NLRP1: variants seen among roughly 807,000 people sequenced by gnomAD.
NLRP1 encodes the protein NLR family pyrin domain containing 1, also known as NACHT, LRR and PYD domains-containing protein 1.
NLRP1 carries 94 observed loss-of-function variants against 136.7 expected under a neutral mutation model. The ratio of observed to expected loss-of-function variants is 0.69; its 90% CI spans 0.58 to 0.82. NLRP1 has a LOEUF of 0.82. Ranked by LOEUF, NLRP1 falls within the 40% of genes least tolerant of loss-of-function variation. The pLI is 0.00. For synonymous variants in NLRP1, 690 were observed against 725.1 expected, an observed-to-expected ratio of 0.95 and a Z score of 0.78; for missense variants, 1,575 against 1,802.7, an observed-to-expected ratio of 0.87 and a Z score of 2.29.
At chr17:5,571,950 C>A (rs894499713) in intron 3 of NLRP1, among the ~76,000 whole-genome samples, 18 of 152,166 alleles carry the variant, frequency 1.2e-4, no homozygotes, top group African/African-American at 4.3e-4. Flanking sequence ...AGCTGTATAT[C>A]TACAACCATC....
At chr17:5,546,711 T>C (rs951958182) in intron 5 of NLRP1, among the ~76,000 whole-genome samples, 1 of 151,772 alleles carries the variant, frequency 6.6e-6, no homozygotes, top group Non-Finnish European at 1.5e-5. Context: ...GCAAAATACA[T>C]ACAAAGAAAG....
chr17:5,541,956 A>G lies in NLRP1; in HGVS notation c.2600T>C (p.Leu867Pro). ...ATTGAAGCTCAGGTCCAGCTCGGTC[A>G]GGGTCTGGTTGGCTCTCAGCCCAAA... ...LAFGLRANQT[L>P]TELDLSFNVL... is the part of the protein sequence containing the mutation. The change falls in exon 6 of 17, where the codon CTG (leucine) becomes CCG (proline). Residue 867 changes from leucine (L) to proline (P), a missense_variant. Coordinates refer to ENST00000572272, the MANE Select transcript of NLRP1 (RefSeq NM_033004.4). This position sits in a 1 kb window ranked among gnomAD's most constrained non-coding sequence, Gnocchi z 4.2. 1 of 1,614,160 alleles carries G rather than the reference A, an allele frequency of 6.2e-7. No individual in the cohort carries two copies. Among genetic ancestry groups the G allele is most frequent in the South Asian group, 1.1e-5 (1 of 91,080 alleles).
chr17:5,553,075 G>A (rs1913572944), intron 5 of NLRP1, among the ~76,000 whole-genome samples: 1 of 152,140 alleles, frequency 6.6e-6, no homozygotes, highest in Non-Finnish European at 1.5e-5. Context: ...TTTCTTGACT[G>A]CCTCCTCCTG....
At chr17:5,518,151 T>C (rs1017111468) in intron 14 of NLRP1, 2 of 315,346 alleles carry the variant, frequency 6.3e-6, no homozygotes, top group Non-Finnish European at 1.2e-5. Flanking sequence ...TTCCTTCACC[T>C]CCCCCATCTT....
chr17:5,531,607 G>A (rs1910278469), intron 11 of NLRP1, among the ~76,000 whole-genome samples: 2 of 152,192 alleles, frequency 1.3e-5, no homozygotes, highest in South Asian at 4.1e-4. Flanking sequence ...CTCCTCAGGT[G>A]GGTTAATAGT....
chr17:5,545,245 C>G (rs921957956), intron 5 of NLRP1, among the ~76,000 whole-genome samples: 40 of 151,940 alleles, frequency 2.6e-4, no homozygotes, highest in African/African-American at 9.7e-4. Flanking sequence ...GAGTTTGAGG[C>G]TGCATTGAGT....
intron 5 of NLRP1, among the ~76,000 whole-genome samples, chr17:5,544,845 C>T (rs541903767): frequency 6.6e-6 from 1 of 152,182 alleles, no homozygotes; most frequent in African/African-American, 2.4e-5. Flanking sequence ...GGCTGAATTT[C>T]AGGAGCCTCT....
At chr17:5,580,108 A>G (rs1408469779) in intron 3 of NLRP1, among the ~76,000 whole-genome samples, 2 of 151,960 alleles carry the variant, frequency 1.3e-5, no homozygotes, top group African/African-American at 4.8e-5. Context: ...CGTGGCGGGC[A>G]CCTGTAGTCC....
chr17:5,581,768 T>C lies in NLRP1; in HGVS notation c.652+91A>G. ...TCAGATGTTTTCCAGAACCTCTGCT[T>C]AGCCTGCCAACCTGGTCCCCAGGGG... On this transcript the variant is annotated intron_variant, in intron 3 of 16. Coordinates refer to ENST00000572272, the MANE Select transcript of NLRP1 (RefSeq NM_033004.4). 3.7e-6 allele frequency: 4 copies of C among 1,067,056 alleles called. No individual in the cohort carries two copies. The Admixed American group carries it at 5.1e-5, about 13-fold the overall frequency. The allele number at this position is 1,067,056 out of a possible 1,614,324, so 66.1% of individuals were successfully genotyped here.
intron 3 of NLRP1, among the ~76,000 whole-genome samples, chr17:5,566,707 G>A (rs899172779): frequency 6.6e-6 from 1 of 152,070 alleles, no homozygotes; most frequent in Non-Finnish European, 1.5e-5. Context: ...TAAGTTTCAT[G>A]TTTCTTTGCT....
chr17:5,501,702 G>T, exon 16 of NLRP1: 3 of 787,626 alleles, frequency 3.8e-6, no homozygotes, highest in Non-Finnish European at 6.6e-6. Flanking sequence ...ATCCTTCAAA[G>T]ACCTGCCTCA....
At chr17:5,574,368 G>A (rs969881729) in intron 3 of NLRP1, among the ~76,000 whole-genome samples, 4 of 152,196 alleles carry the variant, frequency 2.6e-5, no homozygotes, top group Admixed American at 2.6e-4. Context: ...ATGGAACCAA[G>A]TTGGAAATCA....
At chr17:5,542,112 A>C in intron 5 of NLRP1, 85 bp from the exon 6 acceptor site, 7 of 1,347,592 alleles carry the variant, frequency 5.2e-6, no homozygotes, top group Non-Finnish European at 7.2e-6. Context: ...ATCACCTACT[A>C]TGCACCAGGC....
chr17:5,511,569 AGAC>A (rs1037122279), downstream of NLRP1, among the ~76,000 whole-genome samples: 1 of 151,992 alleles, frequency 6.6e-6, no homozygotes, highest in African/African-American at 2.4e-5. Context: ...GCTGCCATGG[AGAC>A]GACTCCAGAT....
rs763358431 is a variant in NLRP1 at position 5,559,620 on chromosome 17, T to A, written c.1076A>T (p.Asp359Val). 2 of 1,614,036 alleles carry A rather than the reference T, an allele frequency of 1.2e-6. No individual in the cohort carries two copies. The highest frequency in any genetic ancestry group is 1.7e-5 in the Admixed American group (1 of 59,996). Residue 359 changes from aspartate to valine, a missense_variant, in exon 4 of 17, where the codon GAC becomes GTC. Transcript: ENST00000572272. ...EAWGRGQLYG[D>V]RFQHVFYFSC... ...GAAGTAGAAGACATGCTGGAAGCGGTCCCCATACAGCTGGCCTCTCCCCCA... is the reference window on the plus strand; with the variant it reads ...GAAGTAGAAGACATGCTGGAAGCGGACCCCATACAGCTGGCCTCTCCCCCA...
chr17:5,519,409 G>C (rs1293552067), intron 14 of NLRP1, among the ~76,000 whole-genome samples: 4 of 149,998 alleles, frequency 2.7e-5, no homozygotes, highest in African/African-American at 1.0e-4. Flanking sequence ...AACTCCCATA[G>C]TGCTGCGATT....
At chr17:5,582,232 G>C (rs1264010170) in intron 2 of NLRP1, among the ~76,000 whole-genome samples, 170 bp from the exon 3 acceptor site, 1 of 152,220 alleles carries the variant, frequency 6.6e-6, no homozygotes. Context: ...GAAGAGAGAA[G>C]TCATGTGAGG....
rs538460811 is a variant in NLRP1, at chr17:5,519,209, AG to A, written c.3916-1323del. Among the ~76,000 whole-genome samples, 260 of 151,770 alleles carry A rather than the reference AG, an allele frequency of 1.7e-3. 1 individual carries two copies. The highest frequency in any genetic ancestry group is 2.8e-3 in the Non-Finnish European group (190 of 67,880). On this transcript the variant is annotated intron_variant, in intron 14 of 16. Coordinates refer to ENST00000572272, the MANE Select transcript of NLRP1 (RefSeq NM_033004.4). ...GGTAGAGATGGGGTTTCACTGTGTTAGCCAGGATGGTCTCGATCTCCTGACC... is the reference window on the plus strand; with the variant it reads ...GGTAGAGATGGGGTTTCACTGTGTTACCAGGATGGTCTCGATCTCCTGACC...
chr17:5,507,416 C>T (rs747367195), intron 15 of NLRP1, among the ~76,000 whole-genome samples: 4 of 152,080 alleles, frequency 2.6e-5, no homozygotes, highest in African/African-American at 4.8e-5. Context: ...GAAATTCAGC[C>T]GGGCATGGTG....
Sources: allele counts gnomAD v4.1 joint callset (sites outside exome capture counted in the v4.1 genomes callset), GRCh38; gene constraint gnomAD v4.1.1; non-coding constraint Gnocchi (gnomAD v3.1); transcripts MANE v1.5; gene names NCBI Gene and HGNC (gene_info 2026-07-23, HGNC 2026-07-21).